The following PTCD2 variants were observed in gnomAD, a reference collection of about 807,000 sequenced individuals.
PTCD2 encodes pentatricopeptide repeat-containing protein 2, mitochondrial.
In PTCD2, 31 loss-of-function variants were observed where a neutral mutation model predicts 42.6. The observed-to-expected ratio is 0.73, with a 90% CI of 0.55 to 0.98. The LOEUF is 0.98. Among genes scored for constraint, PTCD2 ranks in the 50% least tolerant of loss-of-function variants. The probability of loss-of-function intolerance (pLI) is 0.00; values close to 1 mark genes in which losing one functional copy is unlikely to be tolerated. For synonymous variants in PTCD2, 183 were observed against 170.9 expected (o/e 1.07, Z -0.55); for missense variants, 476 against 454.8 (o/e 1.05, Z -0.42).
chr5:72,355,034 A>G (rs1403552991), intron 9 of PTCD2, among the ~76,000 whole-genome samples: 1 of 152,206 alleles, frequency 6.6e-6, no homozygotes, highest in Non-Finnish European at 1.5e-5. Flanking sequence ...ATTTTTATAT[A>G]TTTATGTTTT....
chr5:72,340,118 T>C (rs959780672), intron 7 of PTCD2, among the ~76,000 whole-genome samples: 3 of 152,180 alleles, frequency 2.0e-5, no homozygotes, highest in South Asian at 2.1e-4. Flanking sequence ...TCTATAACTT[T>C]TTCTACTCTC....
chr5:72,341,972 G>A (rs1294760963), intron 7 of PTCD2, among the ~76,000 whole-genome samples: 1 of 152,056 alleles, frequency 6.6e-6, no homozygotes, highest in Non-Finnish European at 1.5e-5. Flanking sequence ...GTGAACCTGG[G>A]AGGCTGAGCT....
At chr5:72,326,514 C>A in intron 2 of PTCD2, 98 bp from the exon 3 acceptor site, 1 of 1,305,308 alleles carries the variant, frequency 7.7e-7, no homozygotes. Context: ...TGCCCCTCTG[C>A]AGTGAGCCGG....
At position 72,359,925 on chromosome 5, in the gene PTCD2, T is replaced by C. The variant is rs1464973382; in HGVS notation, c.*1498T>C. ...CCCTGGGCATCCTCAGTTTCCTCATTTGGTAAATGGGGATAATGGTACCGA... is the reference window on the plus strand; with the variant it reads ...CCCTGGGCATCCTCAGTTTCCTCATCTGGTAAATGGGGATAATGGTACCGA... On this transcript the variant is annotated 3_prime_UTR_variant, in exon 10 of 10. Coordinates refer to ENST00000380639, the MANE Select transcript of PTCD2 (RefSeq NM_024754.5). 6.6e-6 allele frequency: 1 copy of C among 151,936 alleles called. No homozygotes were observed. The highest frequency in any genetic ancestry group is 1.9e-4 in the East Asian group (1 of 5,162). The allele number at this position is 151,936 out of a possible 1,614,324, so 9.4% of individuals were successfully genotyped here. A position where few individuals can be genotyped will look rare whatever the true frequency, so the allele number is the denominator to read the frequency against.
At chr5:72,342,747 A>T (rs1212203563) in intron 7 of PTCD2, among the ~76,000 whole-genome samples, 2 of 152,220 alleles carry the variant, frequency 1.3e-5, no homozygotes, top group African/African-American at 4.8e-5. Flanking sequence ...CATCTTAAAA[A>T]CTGGACTCAG....
At chr5:72,327,635 G>A (rs1437669346) in intron 3 of PTCD2, among the ~76,000 whole-genome samples, 1 of 151,928 alleles carries the variant, frequency 6.6e-6, no homozygotes, top group African/African-American at 2.4e-5. Flanking sequence ...ACCACACCCG[G>A]CTAATTTTTG....
intron 3 of PTCD2, among the ~76,000 whole-genome samples, chr5:72,329,216 A>G (rs1263744832): frequency 6.6e-6 from 1 of 152,178 alleles, no homozygotes; most frequent in Admixed American, 6.5e-5. Context: ...CCAGTTGCTG[A>G]CCTTTTCCCT....
chr5:72,327,519 C>CAG (rs894733207), intron 3 of PTCD2, among the ~76,000 whole-genome samples: 22 of 150,292 alleles, frequency 1.5e-4, no homozygotes, highest in Middle Eastern at 3.4e-3. Flanking sequence ...TTGCCCAGGC[C>CAG]AGAGTACAGT....
rs151015144 is a variant in PTCD2 at position 72,324,126 on chromosome 5, A to AC, written c.220+1865dup. ...GATTTCACTTCAGTCTTTTCTTTCT[A>AC]CCCAGGTATTTTAGATCTATGTGAG... On this transcript the variant is annotated intron_variant, in intron 2 of 9. Coordinates refer to ENST00000380639, the MANE Select transcript of PTCD2 (RefSeq NM_024754.5). Among the ~76,000 whole-genome samples the AC allele has an allele frequency of 3.7e-3, 565 of 152,156 alleles. 1 individual carries two copies. The highest frequency in any genetic ancestry group is 0.013 in the African/African-American group (549 of 41,520).
chr5:72,327,199 C>T (rs1751189906), intron 3 of PTCD2, among the ~76,000 whole-genome samples: 1 of 152,190 alleles, frequency 6.6e-6, no homozygotes, highest in African/African-American at 2.4e-5. Flanking sequence ...TAGCCTTCCT[C>T]TCTCTATCTC....
chr5:72,347,410 G>A (rs1484377814), intron 8 of PTCD2, among the ~76,000 whole-genome samples: 1 of 152,218 alleles, frequency 6.6e-6, no homozygotes, highest in African/African-American at 2.4e-5. Flanking sequence ...AATGGGCTGG[G>A]TGCGGTGGCT....
chr5:72,330,750 G>C (rs561805973), intron 3 of PTCD2, among the ~76,000 whole-genome samples: 1 of 152,274 alleles, frequency 6.6e-6, no homozygotes, highest in East Asian at 1.9e-4. Flanking sequence ...CATAGCCCAG[G>C]TGTACCTTTC....
Position 72,326,623 on chromosome 5 carries a change from A to G in PTCD2, c.232A>G (p.Arg78Gly). 3 of 1,614,186 alleles carry G rather than the reference A, an allele frequency of 1.9e-6. No individual in the cohort carries two copies. Among genetic ancestry groups the G allele is most frequent in the Non-Finnish European group, 2.5e-6 (3 of 1,180,012 alleles). The change falls in exon 3 of 10, where the codon AGA (arginine) becomes GGA (glycine). Residue 78 changes from arginine (R) to glycine (G), a missense_variant. Arg to Gly is a moderately radical substitution (Grantham distance 125, BLOSUM62 -2). Transcript: ENST00000380639. ...NLSGTKETYF[R>G]NLKKKLTQNK... is the part of the protein sequence containing the mutation. ...GTGCTTTCTTCCAGAAACGTATTTT[A>G]GAAACTTGAAAAAGAAACTGACCCA...
At position 72,363,475 on chromosome 5, in the gene PTCD2, G is replaced by A. The variant is rs1034581960; in HGVS notation, c.*5048G>A. On this transcript the variant is annotated 3_prime_UTR_variant, in exon 10 of 10. Coordinates refer to ENST00000380639, the MANE Select transcript of PTCD2 (RefSeq NM_024754.5). The stretch of plus-strand genomic sequence containing the variant: ...GTCTTGTGTGTCTATGTGGACAGGA[G>A]TTGTGGGCTTCAGATTCATCCTCTG... 1.0e-4 allele frequency: 16 copies of A among 152,412 alleles called. No homozygotes were observed. Among genetic ancestry groups the A allele is most frequent in the African/African-American group, 3.8e-4 (16 of 41,598 alleles). 9.4% of individuals were successfully genotyped at this position (152,412 alleles called of 1,614,324 possible).
At chr5:72,335,144 G>C (rs374716722) in intron 5 of PTCD2, 48 bp downstream of exon 5, 33 of 1,101,068 alleles carry the variant, frequency 3.0e-5, no homozygotes, top group Non-Finnish European at 4.3e-5. Flanking sequence ...CATGTTTGCT[G>C]GCATAGGAAC....
In PTCD2 at chr5:72,359,059, T is replaced by C. The variant is rs1046046008; in HGVS notation, c.*632T>C. 1.3e-5 allele frequency: 2 copies of C among 152,800 alleles called. No homozygotes were observed. Among genetic ancestry groups the C allele is most frequent in the Non-Finnish European group, 2.9e-5 (2 of 68,510 alleles). The allele number at this position is 152,800 out of a possible 1,614,324, so 9.5% of individuals were successfully genotyped here. A position where few individuals can be genotyped will look rare whatever the true frequency, so the allele number is the denominator to read the frequency against. The stretch of plus-strand genomic sequence containing the variant: ...TGCTGGGATTGTGGTTGTTTTGTTT[T>C]CTCAGCAGCACAAACAAAACCAGAA... On this transcript the variant is annotated 3_prime_UTR_variant, in exon 10 of 10. Coordinates refer to ENST00000380639, the MANE Select transcript of PTCD2 (RefSeq NM_024754.5).
In PTCD2 at chr5:72,359,898, G is replaced by A. The variant is rs1352683303; in HGVS notation, c.*1471G>A. 6.6e-6 allele frequency: 1 copy of A among 152,040 alleles called. No homozygotes were observed. Among genetic ancestry groups the A allele is most frequent in the Non-Finnish European group, 1.5e-5 (1 of 68,032 alleles). 9.4% of individuals were successfully genotyped at this position (152,040 alleles called of 1,614,324 possible). Reference sequence around the variant, plus strand: ...ATACTAAGGGCCCCCATTACTGTGTGGCCCTGGGCATCCTCAGTTTCCTCA... The same window carrying A: ...ATACTAAGGGCCCCCATTACTGTGTAGCCCTGGGCATCCTCAGTTTCCTCA... On this transcript the variant is annotated 3_prime_UTR_variant, in exon 10 of 10. Transcript: ENST00000380639.
Position 72,363,104 on chromosome 5 carries a change from G to A in PTCD2, c.*4677G>A, listed in dbSNP as rs897693297. Reference sequence around the variant, plus strand: ...TGAACTAAAACTTCTTATGAACTCTGGTTATACTGAAAACAGGAGTCATGG... The same window carrying A: ...TGAACTAAAACTTCTTATGAACTCTAGTTATACTGAAAACAGGAGTCATGG... On this transcript the variant is annotated 3_prime_UTR_variant, in exon 10 of 10. Coordinates refer to ENST00000380639, the MANE Select transcript of PTCD2 (RefSeq NM_024754.5). 6.6e-6 allele frequency: 1 copy of A among 152,166 alleles called. No homozygotes were observed. The highest frequency in any genetic ancestry group is 2.4e-5 in the African/African-American group (1 of 41,436). The allele number at this position is 152,166 out of a possible 1,614,324, so 9.4% of individuals were successfully genotyped here.
chr5:72,335,683 T>A, intron 5 of PTCD2, 111 bp from the exon 6 acceptor site: 1 of 562,676 alleles, frequency 1.8e-6, no homozygotes, highest in Non-Finnish European at 3.2e-6. Context: ...GAGGAATAGC[T>A]TTTATTTTGT....
Sources: allele counts gnomAD v4.1 joint callset (sites outside exome capture counted in the v4.1 genomes callset), GRCh38; gene constraint gnomAD v4.1.1; transcripts MANE v1.5; gene names NCBI Gene and HGNC (gene_info 2026-07-23, HGNC 2026-07-21).